The following COL6A1 variants were observed in gnomAD, a reference collection of about 807,000 sequenced individuals.
COL6A1 encodes collagen type VI alpha 1 chain.
COL6A1 carries 80 observed loss-of-function variants against 145.6 expected under a neutral mutation model. The observed-to-expected ratio is 0.55, with a 90% CI of 0.46 to 0.66. COL6A1 has a LOEUF of 0.66. COL6A1 is among the 30% of genes least tolerant of loss of function. COL6A1 has a pLI of 0.00. For missense variants in COL6A1, 1,364 were observed against 1,473.8 expected (o/e 0.93, Z 1.22); for synonymous variants, 638 against 622.8 (o/e 1.02, Z -0.36).
rs147803955 is a variant in COL6A1 at position 45,985,463 on chromosome 21, G to A, written c.428+994G>A. 1.8e-3 allele frequency among the ~76,000 whole-genome samples: 278 copies of A among 152,270 alleles called. 2 individuals are homozygous for A. Among genetic ancestry groups the A allele is most frequent in the African/African-American group, 6.3e-3 (262 of 41,536 alleles). ...GAGACTGAGAGACTGAGAGAGACGGGGTGGTTTTCCCCACAGCATCAACAC... is the reference window on the plus strand; with the variant it reads ...GAGACTGAGAGACTGAGAGAGACGGAGTGGTTTTCCCCACAGCATCAACAC... On this transcript the variant is annotated intron_variant, in intron 3 of 34. Transcript: ENST00000361866.
intron 4 of COL6A1, 34 bp downstream of exon 4, chr21:45,986,719 A>G: frequency 6.5e-7 from 1 of 1,540,392 alleles, no homozygotes; most frequent in Non-Finnish European, 8.7e-7. Flanking sequence ...GATGCCCCCA[A>G]CCACAGGGAG....
At chr21:46,001,774 A>G (rs998356015) in intron 30 of COL6A1, among the ~76,000 whole-genome samples, 187 bp from the exon 31 acceptor site, 1 of 151,388 alleles carries the variant, frequency 6.6e-6, no homozygotes, top group African/African-American at 2.4e-5. Flanking sequence ...AGCCAATCGC[A>G]GGGTACCCAG....
Position 46,002,720 on chromosome 21 carries a change from G to T in COL6A1, c.2434+10G>T, listed in dbSNP as rs1569519145. On this transcript the variant is annotated intron_variant, in intron 33 of 34. Transcript: ENST00000361866. Reference sequence around the variant, plus strand: ...GCCCAGATCTGCATAGGTGCGCATGGGGCCACCCGGGCAGTCCCAGATCTG... The same window carrying T: ...GCCCAGATCTGCATAGGTGCGCATGTGGCCACCCGGGCAGTCCCAGATCTG... The T allele has an allele frequency of 6.4e-7, 1 of 1,561,328 alleles. No individual in the cohort carries two copies. Among genetic ancestry groups the T allele is most frequent in the Non-Finnish European group, 8.7e-7 (1 of 1,146,814 alleles).
At chr21:46,003,252 G>C in intron 34 of COL6A1, 103 bp downstream of exon 34, 1 of 1,606,648 alleles carries the variant, frequency 6.2e-7, no homozygotes, top group Non-Finnish European at 8.5e-7. Context: ...GCGGTCACGA[G>C]AGTAGGTGCA....
Position 45,994,252 on chromosome 21 carries a change from G to C in COL6A1, c.1398+23G>C, listed in dbSNP as rs1371055805. 3.1e-6 allele frequency: 5 copies of C among 1,603,252 alleles called. No homozygotes were observed. Among genetic ancestry groups the C allele is most frequent in the Non-Finnish European group, 4.3e-6 (5 of 1,175,416 alleles). The stretch of plus-strand genomic sequence containing the variant: ...CCGGTAGGAAGCGCTGTGGGGTTGG[G>C]GGGCGTTGGCCAATTTGGGTTTTGG... On this transcript the variant is annotated intron_variant, in intron 20 of 34. Transcript: ENST00000361866. This position sits in a 1 kb window ranked among gnomAD's most constrained non-coding sequence, Gnocchi z 6.8.
At position 45,998,959 on chromosome 21, in the gene COL6A1, T is replaced by G. The variant is rs1301981381; in HGVS notation, c.1674T>G (p.Asp558Glu). 1 of 1,552,876 alleles carries G rather than the reference T, an allele frequency of 6.4e-7. No individual in the cohort carries two copies. The highest frequency in any genetic ancestry group is 8.7e-7 in the Non-Finnish European group (1 of 1,147,830). ...GAGAAGCCGGGGACCCCGGAGACGA[T>G]GTAAGTGTGGATGGGAGGCAGGGCC... is the stretch of plus-strand genomic sequence containing the variant. ...DEGEAGDPGD[D>E]NNDIAPRGVK... The change falls in exon 25 of 35, where the codon GAT (aspartate) becomes GAG (glutamate). Residue 558 changes from aspartate to glutamate, a missense_variant and splice_region_variant. Transcript: ENST00000361866.
rs558291025 is a variant in COL6A1, at chr21:45,991,015, G to A, written c.1093G>A (p.Gly365Ser). 2.0e-5 allele frequency: 32 copies of A among 1,613,384 alleles called. No homozygotes were observed. The Admixed American group carries it at 2.0e-4, about 10-fold the overall frequency. ...QGPPGPKGDP[G>S]AFGLKGEKGE... ...ACCCCCTGGCCCCAAGGGAGACCCC[G>A]GTGCCTTTGGACTGAAAGGAGAAAA... The change falls in exon 15 of 35, where the codon GGT becomes AGT. Residue 365 changes from glycine to serine, a missense_variant. Around this residue, in one of 3 missense-constraint regions of COL6A1, gnomAD observed 938 missense variants for 1,003.8 expected, o/e 0.93. Transcript: ENST00000361866.
chr21:45,989,145 C>A lies in COL6A1; in HGVS notation c.858+8C>A. 1 of 1,598,106 alleles carries A rather than the reference C, an allele frequency of 6.3e-7. No individual in the cohort carries two copies. Among genetic ancestry groups the A allele is most frequent in the Non-Finnish European group, 8.5e-7 (1 of 1,174,102 alleles). ...GGAGAAGCCGGAGATCCTGTGAGTG[C>A]CTGACTGTGGGGTGGGGGCCCTAAG... On this transcript the variant is annotated splice_region_variant and intron_variant, in intron 9 of 34. Transcript: ENST00000361866.
chr21:46,004,132 GA>G lies in COL6A1; in HGVS notation c.*123del. Reference sequence around the variant, plus strand: ...CCTGATTCGCTAGATTTTTTTTAAGGAAAAGCTTGGAAAGCCAGGACACAAC... The same window carrying G: ...CCTGATTCGCTAGATTTTTTTTAAGGAAAGCTTGGAAAGCCAGGACACAAC... On this transcript the variant is annotated 3_prime_UTR_variant, in exon 35 of 35. Transcript: ENST00000361866. 7.2e-7 allele frequency: 1 copy of G among 1,379,730 alleles called. No homozygotes were observed. The highest frequency in any genetic ancestry group is 1.3e-5 in the South Asian group (1 of 78,670). The allele number at this position is 1,379,730 out of a possible 1,614,324, so 85.5% of individuals were successfully genotyped here. A position where few individuals can be genotyped will look rare whatever the true frequency, so the allele number is the denominator to read the frequency against.
chr21:45,999,210 G>C lies in COL6A1; in HGVS notation c.1732G>C (p.Gly578Arg), dbSNP rs778884385. The C allele has an allele frequency of 2.5e-6, 4 of 1,598,668 alleles. No individual in the cohort carries two copies. The South Asian group carries it at 4.5e-5, about 18-fold the overall frequency. The change falls in exon 26 of 35, where the codon GGC (glycine) becomes CGC (arginine). Residue 578 changes from glycine (G) to arginine (R), a missense_variant. Gly to Arg is a moderately radical substitution (Grantham distance 125). Around this residue, in one of 3 missense-constraint regions of COL6A1, gnomAD observed 938 missense variants for 1,003.8 expected, o/e 0.93. Transcript: ENST00000361866. ...AGCAAAGGGGTACCGGGGTCCCGAGGGCCCCCAGGTGGGTGGATGTGGCTG... is the reference window on the plus strand; with the variant it reads ...AGCAAAGGGGTACCGGGGTCCCGAGCGCCCCCAGGTGGGTGGATGTGGCTG... ...KGAKGYRGPEGPQGPPGHQGP... is the reference protein window; with the variant it reads ...KGAKGYRGPERPQGPPGHQGP...
At chr21:45,989,828 A>G (rs1289912140) in intron 11 of COL6A1, 50 bp downstream of exon 11, 32 of 1,610,856 alleles carry the variant, frequency 2.0e-5, no homozygotes, top group Non-Finnish European at 2.6e-5. Context: ...CAGATGTGCC[A>G]TCCTGGACGA....
At chr21:45,999,937 G>A (rs1569518890) in intron 27 of COL6A1, among the ~76,000 whole-genome samples, 11 of 22,874 alleles carry the variant, frequency 4.8e-4, no homozygotes, top group South Asian at 2.0e-3. Flanking sequence ...GAGGATCATG[G>A]GGGGGACGTG....
chr21:45,986,850 G>A (rs943889175), intron 4 of COL6A1, 94 bp from the exon 5 acceptor site: 66 of 1,527,620 alleles, frequency 4.3e-5, no homozygotes, highest in Admixed American at 7.9e-5. Context: ...AGCCTGGAGC[G>A]CCCCAGCCCA....
intron 13 of COL6A1, 70 bp downstream of exon 13, chr21:45,990,492 TGGACGGCGTGAAGGTGACCCGGGG>T: frequency 3.9e-6 from 1 of 259,690 alleles, no homozygotes; most frequent in Non-Finnish European, 6.1e-6. Flanking sequence ...AGGGACGGAG[TGGACGGCGTGAAGGTGACCCGGGG>T]AGGGATGGGG....
intron 13 of COL6A1, 95 bp from the exon 14 acceptor site, chr21:45,990,678 G>A (rs2077771534): frequency 2.7e-6 from 3 of 1,126,024 alleles, no homozygotes; most frequent in Non-Finnish European, 2.7e-6. Flanking sequence ...TCCAGGGAGG[G>A]TGTGGAGGGC....
At position 45,987,609 on chromosome 21, in the gene COL6A1, G is replaced by A; in HGVS notation, c.760-1G>A. 5 of 1,612,194 alleles carry A rather than the reference G, an allele frequency of 3.1e-6. No individual in the cohort carries two copies. The highest frequency in any genetic ancestry group is 4.2e-6 in the Non-Finnish European group (5 of 1,179,814). On this transcript the variant is annotated splice_acceptor_variant, in intron 7 of 34. Transcript: ENST00000361866. LOFTEE classifies it high-confidence loss of function. The stretch of plus-strand genomic sequence containing the variant: ...GGCTGACCGTCCCCTCTGCCTTGCA[G>A]CCTGCAAGAGGACCTCCGGGGCTCC...
chr21:45,982,557 G>C, intron 1 of COL6A1, 77 bp from the exon 2 acceptor site: 2 of 1,604,346 alleles, frequency 1.2e-6, no homozygotes, highest in Non-Finnish European at 1.7e-6. Context: ...CGCTGGGCTG[G>C]CCGGGAGGGC....
Position 45,998,901 on chromosome 21 carries a change from C to T in COL6A1, c.1616C>T (p.Thr539Met), listed in dbSNP as rs1280497301. The change falls in exon 25 of 35, where the codon ACG becomes ATG. Residue 539 changes from threonine (T) to methionine (M), a missense_variant. By Grantham distance (81) the Thr-to-Met change is moderately conservative. Transcript: ENST00000361866. Reference sequence around the variant, plus strand: ...AGTGCTCTCCCGTCACTGCAGGGCACGAAGGGCTACCCCGGCCTCAAGGGG... The same window carrying T: ...AGTGCTCTCCCGTCACTGCAGGGCATGAAGGGCTACCCCGGCCTCAAGGGG... ...GNRGAPGING[T>M]KGYPGLKGDE... 9.0e-6 allele frequency: 14 copies of T among 1,554,922 alleles called. No homozygotes were observed. The highest frequency in any genetic ancestry group is 2.0e-5 in the Admixed American group (1 of 51,252).
At chr21:45,990,156 G>T (rs2077766249) in intron 11 of COL6A1, 102 bp from the exon 12 acceptor site, 2 of 1,403,278 alleles carry the variant, frequency 1.4e-6, no homozygotes, top group African/African-American at 2.8e-5. Flanking sequence ...TGTCCCCTCG[G>T]GTTGGGGGCA....
Sources: allele counts gnomAD v4.1 joint callset (sites outside exome capture counted in the v4.1 genomes callset), GRCh38; gene constraint gnomAD v4.1.1; regional missense constraint gnomAD v4.1.1; non-coding constraint Gnocchi (gnomAD v3.1); transcripts MANE v1.5; gene names NCBI Gene and HGNC (gene_info 2026-07-23, HGNC 2026-07-21).